The following LSG1 variants were observed in gnomAD, a reference collection of about 807,000 sequenced individuals.
The protein encoded by LSG1 is large subunit GTPase 1 homolog.
Under a neutral mutation model 82.6 loss-of-function variants are expected in LSG1, and 55 were observed. The ratio of observed to expected loss-of-function variants is 0.67; its 90% CI spans 0.54 to 0.83. LSG1 has a LOEUF of 0.83. LSG1 is among the 40% of genes least tolerant of loss of function. The pLI is 0.00. For missense variants in LSG1, 809 were observed against 807.9 expected, an observed-to-expected ratio of 1.00 and a Z score of -0.02; for synonymous variants, 272 against 282.5, an observed-to-expected ratio of 0.96 and a Z score of 0.37.
rs1396939611 is a variant in LSG1 at position 194,670,182 on chromosome 3, T to G, written c.100-47A>C. ...TAAATACAGCTGCTCTCTTCTGCTC[T>G]TGGCATCCAATAAGCTCTAAAATTC... is the stretch of plus-strand genomic sequence containing the variant. On this transcript the variant is annotated intron_variant, in intron 1 of 13. Transcript: ENST00000265245. 3.1e-6 allele frequency: 5 copies of G among 1,606,028 alleles called. No individual in the cohort carries two copies. The South Asian group carries it at 5.5e-5, about 18-fold the overall frequency.
Position 194,648,697 on chromosome 3 carries a change from C to A in LSG1, c.1527G>T (p.Leu509=), listed in dbSNP as rs1247427673. 1 of 1,614,112 alleles carries A rather than the reference C, an allele frequency of 6.2e-7. No homozygotes were observed. Among genetic ancestry groups the A allele is most frequent in the Non-Finnish European group, 8.5e-7 (1 of 1,179,996 alleles). The part of the protein sequence containing the change: ...DPHRPPTSEE[L]LTAYGYMRGF... ...ACAACTTACATCCATAAGCTGTCAACAGTTCTTCCGATGTTGGAGGTCGGT... is the reference window on the plus strand; with the variant it reads ...ACAACTTACATCCATAAGCTGTCAAAAGTTCTTCCGATGTTGGAGGTCGGT... Residue 509 remains leucine (L), a synonymous_variant, in exon 11 of 14, where the codon CTG becomes CTT. Transcript: ENST00000265245.
At position 194,646,176 on chromosome 3, in the gene LSG1, C is replaced by A. The variant is rs774475159; in HGVS notation, c.1611G>T (p.Lys537Asn). ...AGGGTTCACTTACACTGACATAGTC[C>A]TTCAGGATGTAGCGCGCAGATCGAG... The part of the protein sequence containing the change: ...DQPRSARYIL[K>N]DYVSGKLLYC... The change falls in exon 12 of 14, where the codon AAG becomes AAT. Residue 537 changes from lysine to asparagine, a missense_variant. Coordinates refer to ENST00000265245, the MANE Select transcript of LSG1 (RefSeq NM_018385.3). The A allele has an allele frequency of 6.2e-7, 1 of 1,614,026 alleles. No homozygotes were observed. Among genetic ancestry groups the A allele is most frequent in the South Asian group, 1.1e-5 (1 of 91,078 alleles).
At chr3:194,666,776 T>C (rs1719038252) in intron 2 of LSG1, among the ~76,000 whole-genome samples, 1 of 152,232 alleles carries the variant, frequency 6.6e-6, no homozygotes, top group South Asian at 2.1e-4. Flanking sequence ...TACATTCTTT[T>C]TGACTGCCAC....
intron 12 of LSG1, chr3:194,645,042 T>C (rs746017602): frequency 1.3e-5 from 3 of 225,038 alleles, no homozygotes; most frequent in African/African-American, 2.2e-5. Flanking sequence ...ATCATACTTA[T>C]GGTGAATATT....
intron 3 of LSG1, 46 bp downstream of exon 3, chr3:194,666,406 G>A (rs751274715): frequency 6.2e-7 from 1 of 1,607,774 alleles, no homozygotes; most frequent in Non-Finnish European, 8.5e-7. Context: ...TGAATACTCA[G>A]CAGCCTCGGA....
intron 7 of LSG1, 141 bp from the exon 8 acceptor site, chr3:194,653,283 G>A (rs1236826393): frequency 1.4e-5 from 11 of 786,430 alleles, no homozygotes; most frequent in Non-Finnish European, 1.8e-5. Context: ...GGGAGGCCAA[G>A]GTGCGCAGAT....
chr3:194,666,487 A>T lies in LSG1; in HGVS notation c.312T>A (p.His104Gln), dbSNP rs766859057. The change falls in exon 3 of 14, where the codon CAT becomes CAA. Residue 104 changes from histidine to glutamine, a missense_variant. Coordinates refer to ENST00000265245, the MANE Select transcript of LSG1 (RefSeq NM_018385.3). ...FEESQRIKKLHEENKQFLCIP... is the reference protein window; with the variant it reads ...FEESQRIKKLQEENKQFLCIP... ...TACACAAGAACTGTTTGTTTTCTTC[A>T]TGGAGCTTCTTAATTCTCTGGCTCT... is the stretch of plus-strand genomic sequence containing the variant. The T allele has an allele frequency of 1.9e-6, 3 of 1,614,114 alleles. No homozygotes were observed. Among genetic ancestry groups the T allele is most frequent in the Non-Finnish European group, 2.5e-6 (3 of 1,179,998 alleles).
At chr3:194,668,558 C>A (rs1188814840) in intron 2 of LSG1, among the ~76,000 whole-genome samples, 1 of 152,152 alleles carries the variant, frequency 6.6e-6, no homozygotes, top group Non-Finnish European at 1.5e-5. Context: ...TCCATCAAGT[C>A]TGGTTTACTC....
chr3:194,663,117 G>C (rs1718966695), intron 5 of LSG1, among the ~76,000 whole-genome samples: 1 of 152,224 alleles, frequency 6.6e-6, no homozygotes, highest in Non-Finnish European at 1.5e-5. Context: ...TGAAGATGGA[G>C]GGTGCTGTCC....
intron 3 of LSG1, 64 bp downstream of exon 3, chr3:194,666,388 T>A (rs1719030212): frequency 1.2e-6 from 2 of 1,602,242 alleles, no homozygotes; most frequent in Non-Finnish European, 1.7e-6. Flanking sequence ...AAGAAGCAAT[T>A]TAAAAAATGA....
chr3:194,658,917 T>TC (rs11438897), intron 7 of LSG1, 40 bp downstream of exon 7: 1,035,125 of 1,530,490 alleles, frequency 0.68, 355,956 homozygotes, highest in East Asian at 0.86. Flanking sequence ...AAATCAAAAT[T>TC]CCCTCTTTGA....
intron 5 of LSG1, among the ~76,000 whole-genome samples, chr3:194,662,519 T>C (rs1284537360): frequency 6.6e-6 from 1 of 152,110 alleles, no homozygotes; most frequent in Non-Finnish European, 1.5e-5. Flanking sequence ...CCCCAGCACT[T>C]TGGGAGGCTG....
intron 1 of LSG1, among the ~76,000 whole-genome samples, chr3:194,671,517 G>A (rs1719138782): frequency 6.6e-6 from 1 of 152,086 alleles, no homozygotes; most frequent in South Asian, 2.1e-4. Flanking sequence ...ATGAACACAA[G>A]CCAAATCACT....
At chr3:194,645,543 C>CAG (rs1718517711) in intron 12 of LSG1, 5 of 45,348 alleles carry the variant, frequency 1.1e-4, no homozygotes, top group African/African-American at 4.2e-4. Flanking sequence ...CAGACACACA[C>CAG]ACACACACAC....
At position 194,641,760 on chromosome 3, in the gene LSG1, C is replaced by CAT. The variant is rs1718390191; in HGVS notation, c.*307_*308insAT. 1.0e-5 allele frequency: 2 copies of CAT among 194,798 alleles called. No individual in the cohort carries two copies. The highest frequency in any genetic ancestry group is 5.8e-5 in the Admixed American group (1 of 17,108). 12.1% of individuals were successfully genotyped at this position (194,798 alleles called of 1,614,324 possible). A position where few individuals can be genotyped will look rare whatever the true frequency, so the allele number is the denominator to read the frequency against. Reference sequence around the variant, plus strand: ...TCCCGAGTAGCTGGGATTACAGGTGCGCGCCACCACGCCTGGCTAATTTTT... The same window carrying CAT: ...TCCCGAGTAGCTGGGATTACAGGTGCATGCGCCACCACGCCTGGCTAATTTTT... On this transcript the variant is annotated 3_prime_UTR_variant, in exon 14 of 14. Transcript: ENST00000265245.
At chr3:194,660,321 C>A (rs144123016) in intron 5 of LSG1, among the ~76,000 whole-genome samples, 188 bp from the exon 6 acceptor site, 1 of 152,248 alleles carries the variant, frequency 6.6e-6, no homozygotes, top group East Asian at 1.9e-4. Flanking sequence ...AAGTAACTTG[C>A]CCAAGGCCAC....
Position 194,670,110 on chromosome 3 carries a change from C to T in LSG1, c.125G>A (p.Gly42Asp), listed in dbSNP as rs577486334. 2 of 1,610,882 alleles carry T rather than the reference C, an allele frequency of 1.2e-6. No homozygotes were observed. Among genetic ancestry groups the T allele is most frequent in the Non-Finnish European group, 1.7e-6 (2 of 1,179,196 alleles). The change falls in exon 2 of 14, where the codon GGC becomes GAC. Residue 42 changes from glycine to aspartate, a missense_variant. Physicochemically the swap from Gly to Asp is moderately conservative, Grantham distance 94. Transcript: ENST00000265245. ...SWLHTSELND[G>D]YDWGRLNLQS... is the part of the protein sequence containing the mutation. ...AAGATTAAGACGACCCCAATCATAG[C>T]CATCATTGAGTTCACTTGTGTGCAA...
chr3:194,641,990 A>G lies in LSG1; in HGVS notation c.*78T>C, dbSNP rs1199968541. 1.1e-5 allele frequency: 17 copies of G among 1,494,430 alleles called. No individual in the cohort carries two copies. Among genetic ancestry groups the G allele is most frequent in the Non-Finnish European group, 1.5e-5 (16 of 1,094,496 alleles). The allele number at this position is 1,494,430 out of a possible 1,614,324, so 92.6% of individuals were successfully genotyped here. A position where few individuals can be genotyped will look rare whatever the true frequency, so the allele number is the denominator to read the frequency against. ...CGTTCTACAGTGCTAGTGTCTTGGGACGGTTCCACAGGCAACAGGCAGCTT... is the reference window on the plus strand; with the variant it reads ...CGTTCTACAGTGCTAGTGTCTTGGGGCGGTTCCACAGGCAACAGGCAGCTT... On this transcript the variant is annotated 3_prime_UTR_variant, in exon 14 of 14. Transcript: ENST00000265245.
Position 194,651,042 on chromosome 3 carries a change from G to C in LSG1, c.1276-18C>G. On this transcript the variant is annotated intron_variant, in intron 9 of 13. Transcript: ENST00000265245. ...TAGAGAGTCTGGAAGACAAGCAAGA[G>C]GTTTGAGCTGGGTATACAACAGATA... The C allele has an allele frequency of 1.9e-6, 3 of 1,613,936 alleles. No individual in the cohort carries two copies. Among genetic ancestry groups the C allele is most frequent in the Non-Finnish European group, 1.7e-6 (2 of 1,179,896 alleles).
Sources: allele counts gnomAD v4.1 joint callset (sites outside exome capture counted in the v4.1 genomes callset), GRCh38; gene constraint gnomAD v4.1.1; transcripts MANE v1.5; gene names NCBI Gene and HGNC (gene_info 2026-07-23, HGNC 2026-07-21).